GIPC1: variants seen among roughly 807,000 people sequenced by gnomAD.
GIPC1 encodes the protein PDZ domain-containing protein GIPC1.
In GIPC1, 15 loss-of-function variants were observed where a neutral mutation model predicts 28.5. The ratio of observed to expected loss-of-function variants is 0.53; its 90% confidence interval spans 0.35 to 0.81. The LOEUF is 0.81. GIPC1 is among the 30% of genes least tolerant of loss of function. The pLI is 0.01. For synonymous variants in GIPC1, 224 were observed against 206.1 expected (o/e 1.09, Z -0.74); for missense variants, 439 against 481.9 (o/e 0.91, Z 0.83).
At position 14,496,078 on chromosome 19, in the gene GIPC1, C is replaced by CTG; in HGVS notation, c.-217_-216insCA. 1 of 242,916 alleles carries CTG rather than the reference C, an allele frequency of 4.1e-6. No homozygotes were observed. Among genetic ancestry groups the CTG allele is most frequent in the Admixed American group, 5.6e-5 (1 of 17,774 alleles). 15.0% of individuals were successfully genotyped at this position (242,916 alleles called of 1,614,324 possible). ...GCCGCCGCCGCCGCCGCCGCCGCTGCCTCCGCCTCCCCGTGCGCACCCGGC... is the reference window on the plus strand; with the variant it reads ...GCCGCCGCCGCCGCCGCCGCCGCTGCTGCTCCGCCTCCCCGTGCGCACCCGGC... On this transcript the variant is annotated 5_prime_UTR_variant, in exon 1 of 9. Coordinates refer to ENST00000393033, the MANE Select transcript of GIPC1 (RefSeq NM_005716.4).
At chr19:14,480,194 C>T in intron 6 of GIPC1, 111 bp downstream of exon 6, 1 of 919,186 alleles carries the variant, frequency 1.1e-6, no homozygotes, top group Non-Finnish European at 1.7e-6. Context: ...TCTGCAACCC[C>T]TTCCCTTTCG....
At chr19:14,485,702 T>TATATATATATATATGG in intron 3 of GIPC1, among the ~76,000 whole-genome samples, 1 of 58,802 alleles carries the variant, frequency 1.7e-5, no homozygotes, top group African/African-American at 5.7e-5. Context: ...TATATATATA[T>TATATATATATATATGG]AGAGAGAGAG....
chr19:14,485,631 G>A (rs2146475940), intron 3 of GIPC1, among the ~76,000 whole-genome samples: 1 of 149,300 alleles, frequency 6.7e-6, no homozygotes, highest in East Asian at 2.0e-4. Context: ...ACTCCAGCCT[G>A]GGTGACAGAG....
intron 1 of GIPC1, among the ~76,000 whole-genome samples, chr19:14,494,063 G>A (rs1399339555): frequency 1.3e-5 from 2 of 151,896 alleles, no homozygotes; most frequent in Non-Finnish European, 2.9e-5. Flanking sequence ...GGGTTCAAGC[G>A]ATTCTCCTGC....
At position 14,478,778 on chromosome 19, in the gene GIPC1, G is replaced by A. The variant is rs2071660393; in HGVS notation, c.769-13C>T. ...CAAAGGCAGAGGGCTGGGGGCCAGG[G>A]AGGGGTGACAGCGACATCATAACAA... On this transcript the variant is annotated splice_polypyrimidine_tract_variant and intron_variant, in intron 7 of 8. Transcript: ENST00000393033. The surrounding 1 kb of genome is among the most constrained non-coding windows in gnomAD (Gnocchi z 5.2). The A allele has an allele frequency of 6.3e-7, 1 of 1,596,232 alleles. No individual in the cohort carries two copies. Among genetic ancestry groups the A allele is most frequent in the Middle Eastern group, 1.7e-4 (1 of 6,026 alleles).
At chr19:14,489,946 G>A (rs967137470) in intron 3 of GIPC1, among the ~76,000 whole-genome samples, 3 of 152,008 alleles carry the variant, frequency 2.0e-5, no homozygotes, top group East Asian at 3.8e-4. Context: ...GTGGTGGTGC[G>A]GTGTTGGGAG....
At position 14,482,940 on chromosome 19, in the gene GIPC1, G is replaced by C; in HGVS notation, c.37C>G (p.Pro13Ala). 1 of 1,611,752 alleles carries C rather than the reference G, an allele frequency of 6.2e-7. No homozygotes were observed. The highest frequency in any genetic ancestry group is 8.5e-7 in the Non-Finnish European group (1 of 1,179,768). The change falls in exon 4 of 9, where the codon CCT becomes GCT. Residue 13 changes from proline to alanine, a missense_variant. By Grantham distance (27) the Pro-to-Ala change is conservative (BLOSUM62 -1). Coordinates refer to ENST00000393033, the MANE Select transcript of GIPC1 (RefSeq NM_005716.4). ...TCAGCCTCCTCATTTTCCACTAGAG[G>C]GGGCGCCTTTTTCCGCCGCCCCAGT... Reference protein sequence around the residue: ...LGLGRRKKAPPLVENEEAEPG... With the variant: ...LGLGRRKKAPALVENEEAEPG...
At chr19:14,479,702 A>C in intron 6 of GIPC1, 178 bp from the exon 7 acceptor site, 1 of 440,868 alleles carries the variant, frequency 2.3e-6, no homozygotes, top group Non-Finnish European at 4.0e-6. Flanking sequence ...CAGGCCTGGC[A>C]TGGATGTGGG....
rs2071661808 is a variant in GIPC1 at position 14,478,840 on chromosome 19, TCAC to T, written c.769-78_769-76del. 1 of 1,085,974 alleles carries T rather than the reference TCAC, an allele frequency of 9.2e-7. No homozygotes were observed. The highest frequency in any genetic ancestry group is 2.4e-5 in the East Asian group (1 of 42,478). The allele number at this position is 1,085,974 out of a possible 1,614,324, so 67.3% of individuals were successfully genotyped here. ...ATAGTAATTGGACGGACTGCCATTGTCACCACTTTACATATATTCGTATTTAGA... is the reference window on the plus strand; with the variant it reads ...ATAGTAATTGGACGGACTGCCATTGTCACTTTACATATATTCGTATTTAGA... On this transcript the variant is annotated intron_variant, in intron 7 of 8. Coordinates refer to ENST00000393033, the MANE Select transcript of GIPC1 (RefSeq NM_005716.4). The surrounding 1 kb of genome is among the most constrained non-coding windows in gnomAD (Gnocchi z 5.2).
intron 1 of GIPC1, among the ~76,000 whole-genome samples, chr19:14,493,563 T>C (rs772920404): frequency 6.6e-6 from 1 of 152,044 alleles, no homozygotes; most frequent in Non-Finnish European, 1.5e-5. Flanking sequence ...GTTCAAACGA[T>C]TCTTCTGCCC....
chr19:14,480,052 C>T (rs532010694), intron 6 of GIPC1: 44 of 586,710 alleles, frequency 7.5e-5, no homozygotes, highest in East Asian at 5.7e-4. Context: ...GGGCTGAGGG[C>T]GCTTGGCTGG....
rs768363434 is a variant in GIPC1 at position 14,480,293 on chromosome 19, G to A, written c.655+12C>T. On this transcript the variant is annotated intron_variant, in intron 6 of 8. Transcript: ENST00000393033. ...CAGCGCCACTGGGGAGGTCCAGGGG[G>A]CGGCTCCTCACCGAAGGCCTTGCGA... 5 of 1,607,112 alleles carry A rather than the reference G, an allele frequency of 3.1e-6. No homozygotes were observed. The highest frequency in any genetic ancestry group is 1.7e-5 in the Admixed American group (1 of 60,002).
At chr19:14,494,371 C>T (rs2072035003) in intron 1 of GIPC1, among the ~76,000 whole-genome samples, 1 of 80,290 alleles carries the variant, frequency 1.2e-5, no homozygotes, top group South Asian at 5.7e-4. Flanking sequence ...GGATTACAGG[C>T]GTGAGCCACC....
Position 14,491,702 on chromosome 19 carries a change from C to T in GIPC1, c.-77G>A, listed in dbSNP as rs1397823996. Reference sequence around the variant, plus strand: ...CTGTGGGTTTCCCAGCTTCCACCCTCACCCCCTACGACTTCTTGTCCAGAC... The same window carrying T: ...CTGTGGGTTTCCCAGCTTCCACCCTTACCCCCTACGACTTCTTGTCCAGAC... On this transcript the variant is annotated 5_prime_UTR_variant, in exon 3 of 9. Coordinates refer to ENST00000393033, the MANE Select transcript of GIPC1 (RefSeq NM_005716.4). The T allele has an allele frequency of 6.6e-6, 1 of 152,528 alleles. No individual in the cohort carries two copies. Among genetic ancestry groups the T allele is most frequent in the African/African-American group, 2.4e-5 (1 of 41,466 alleles). The allele number at this position is 152,528 out of a possible 1,614,324, so 9.4% of individuals were successfully genotyped here. A position where few individuals can be genotyped will look rare whatever the true frequency, so the allele number is the denominator to read the frequency against.
In GIPC1 at chr19:14,493,736, C is replaced by T. The variant is rs561768484; in HGVS notation, c.-174-824G>A. 7.9e-5 allele frequency among the ~76,000 whole-genome samples: 12 copies of T among 151,394 alleles called. 1 individual carries two copies. The South Asian group carries it at 1.7e-3, about 21-fold the overall frequency. On this transcript the variant is annotated intron_variant, in intron 1 of 8. Coordinates refer to ENST00000393033, the MANE Select transcript of GIPC1 (RefSeq NM_005716.4). ...GTGCAATGGCGCGATCTTGGCTCAC[C>T]GCAACCTCTGCCTACCGGGTTCAAG...
rs71166735 is a variant in GIPC1, at chr19:14,496,041, T to TCCGCCGCCGCCG, written c.-191_-180dup. The TCCGCCGCCGCCG allele has an allele frequency of 5.2e-3, 1,187 of 226,380 alleles. 13 individuals carry two copies. Among genetic ancestry groups the TCCGCCGCCGCCG allele is most frequent in the African/African-American group, 0.014 (583 of 40,244 alleles). The allele number at this position is 226,380 out of a possible 1,614,324, so 14.0% of individuals were successfully genotyped here. The stretch of plus-strand genomic sequence containing the variant: ...CTTCTCGCAGAGGCCACTCACCTGC[T>TCCGCCGCCGCCG]CCGCCGCCGCCGCCGCCGCCGCCGC... On this transcript the variant is annotated 5_prime_UTR_variant, in exon 1 of 9. Coordinates refer to ENST00000393033, the MANE Select transcript of GIPC1 (RefSeq NM_005716.4).
intron 3 of GIPC1, among the ~76,000 whole-genome samples, chr19:14,485,036 T>C (rs1326499470): frequency 2.0e-5 from 3 of 151,782 alleles, no homozygotes; most frequent in Non-Finnish European, 4.4e-5. Flanking sequence ...GGCGGGCGTC[T>C]GTAATCCCAG....
intron 1 of GIPC1, among the ~76,000 whole-genome samples, chr19:14,493,761 G>A (rs1454285419): frequency 6.6e-6 from 1 of 152,138 alleles, no homozygotes; most frequent in Non-Finnish European, 1.5e-5. Context: ...CCGGGTTCAA[G>A]CGATTCTCTC....
chr19:14,484,081 A>G (rs1465479071), intron 3 of GIPC1, among the ~76,000 whole-genome samples: 1 of 148,760 alleles, frequency 6.7e-6, no homozygotes, highest in East Asian at 2.0e-4. Flanking sequence ...ACTCACTGCA[A>G]CCTCTGCCTC....
Sources: gnomAD v4.1 joint callset for allele counts (sites outside exome capture counted in the v4.1 genomes callset) on GRCh38, gnomAD v4.1.1 for gene constraint, Gnocchi (gnomAD v3.1) non-coding constraint, MANE v1.5 for transcripts, NCBI Gene and HGNC (gene_info 2026-07-23, HGNC 2026-07-21) for gene names.